CACUL1: variants seen among roughly 807,000 people sequenced by gnomAD.
CACUL1 encodes the protein CDK2 associated cullin domain 1, also known as CDK2-associated and cullin domain-containing protein 1.
A neutral mutation model predicts 45.2 loss-of-function variants in CACUL1; 13 were observed. The observed-to-expected ratio is 0.29, with a 90% CI of 0.19 to 0.46. CACUL1 has a LOEUF of 0.46. CACUL1 is among the 20% of genes least tolerant of loss of function. The pLI, the probability that CACUL1 is intolerant of heterozygous loss-of-function variation, is 1.00. For missense variants in CACUL1, 421 were observed against 471.4 expected, an observed-to-expected ratio of 0.89 and a Z score of 0.99; for synonymous variants, 197 against 174.2, an observed-to-expected ratio of 1.13 and a Z score of -1.03.
chr10:118,694,060 T>C (rs1845297668), intron 6 of CACUL1, among the ~76,000 whole-genome samples: 1 of 152,154 alleles, frequency 6.6e-6, no homozygotes, highest in South Asian at 2.1e-4. Context: ...GAGACGAGGT[T>C]TCACCGTGTT....
chr10:118,730,506 TC>T (rs1287129432), intron 1 of CACUL1, 96 bp from the exon 2 acceptor site: 16 of 1,202,356 alleles, frequency 1.3e-5, no homozygotes, highest in Non-Finnish European at 8.2e-6. Context: ...TCTCACTTAC[TC>T]TTCTGATTTT....
chr10:118,715,003 A>T (rs1182358137), intron 3 of CACUL1, among the ~76,000 whole-genome samples: 1 of 152,340 alleles, frequency 6.6e-6, no homozygotes, highest in South Asian at 2.1e-4. Context: ...ATTTAATCAG[A>T]GGTCATATTG....
intron 6 of CACUL1, chr10:118,694,819 G>C: frequency 4.4e-6 from 1 of 227,982 alleles, no homozygotes; most frequent in Non-Finnish European, 9.0e-6. Context: ...ATGTCTGTAA[G>C]TATGTGCAGC....
At chr10:118,747,738 C>T (rs1845858391) in intron 1 of CACUL1, among the ~76,000 whole-genome samples, 1 of 152,008 alleles carries the variant, frequency 6.6e-6, no homozygotes, top group South Asian at 2.1e-4. Context: ...GAAGGCAGAT[C>T]AGTAGGAATG....
In CACUL1 at chr10:118,680,765, C is replaced by T. The variant is rs1045237406; in HGVS notation, c.*5363G>A. 2.6e-5 allele frequency: 4 copies of T among 152,230 alleles called. No homozygotes were observed. Among genetic ancestry groups the T allele is most frequent in the African/African-American group, 9.6e-5 (4 of 41,458 alleles). 9.4% of individuals were successfully genotyped at this position (152,230 alleles called of 1,614,324 possible). Reference sequence around the variant, plus strand: ...ATGACCATATGTATATTGTTACACACTGTTTTTTAGCACTGGTTGCAGAAG... The same window carrying T: ...ATGACCATATGTATATTGTTACACATTGTTTTTTAGCACTGGTTGCAGAAG... On this transcript the variant is annotated 3_prime_UTR_variant, in exon 9 of 9. Transcript: ENST00000369151.
chr10:118,714,360 T>C (rs1845521477), intron 3 of CACUL1, among the ~76,000 whole-genome samples: 1 of 152,206 alleles, frequency 6.6e-6, no homozygotes, highest in Admixed American at 6.5e-5. Context: ...TTAGACGGTA[T>C]CAAAAAAATA....
chr10:118,717,654 A>G (rs1845559637), intron 3 of CACUL1, among the ~76,000 whole-genome samples: 1 of 152,228 alleles, frequency 6.6e-6, no homozygotes, highest in Non-Finnish European at 1.5e-5. Flanking sequence ...TCTGTTGGTG[A>G]TGGTAGTCAT....
chr10:118,713,862 C>A (rs1307854275), intron 3 of CACUL1, among the ~76,000 whole-genome samples: 4 of 152,166 alleles, frequency 2.6e-5, no homozygotes, highest in Non-Finnish European at 5.9e-5. Context: ...AACTTTTGGT[C>A]TCTGGAAACC....
chr10:118,729,497 A>G (rs975395192), intron 2 of CACUL1, 100 bp from the exon 3 acceptor site: 1 of 773,908 alleles, frequency 1.3e-6, no homozygotes, highest in Non-Finnish European at 2.2e-6. Flanking sequence ...CACTGATCCA[A>G]TAATTCATAC....
At chr10:118,691,810 T>C (rs1167628288) in intron 6 of CACUL1, among the ~76,000 whole-genome samples, 1 of 133,542 alleles carries the variant, frequency 7.5e-6, no homozygotes, top group Non-Finnish European at 1.5e-5. Flanking sequence ...GAGCTTGCAG[T>C]GAGCCGAGAT....
intron 1 of CACUL1, among the ~76,000 whole-genome samples, chr10:118,736,498 A>C (rs1845742299): frequency 6.6e-6 from 1 of 151,608 alleles, no homozygotes; most frequent in African/African-American, 2.4e-5. Context: ...TGATCCTCCC[A>C]ACTCAACCTC....
At chr10:118,743,468 C>T (rs1246501562) in intron 1 of CACUL1, among the ~76,000 whole-genome samples, 1 of 152,146 alleles carries the variant, frequency 6.6e-6, no homozygotes, top group Non-Finnish European at 1.5e-5. Context: ...AGACTATACA[C>T]ACATTTATTA....
intron 3 of CACUL1, among the ~76,000 whole-genome samples, chr10:118,712,569 CAA>C (rs1355664464): frequency 1.3e-5 from 2 of 152,342 alleles, no homozygotes; most frequent in African/African-American, 2.4e-5. Flanking sequence ...AGGAGCAAGA[CAA>C]AGAGGAGCTT....
At chr10:118,728,768 G>A (rs1449026292) in intron 3 of CACUL1, among the ~76,000 whole-genome samples, 1 of 152,136 alleles carries the variant, frequency 6.6e-6, no homozygotes, top group Admixed American at 6.5e-5. Flanking sequence ...GGCAGGGGGA[G>A]GATCAAGCTA....
chr10:118,713,011 G>A (rs879584625), intron 3 of CACUL1, among the ~76,000 whole-genome samples: 18 of 152,250 alleles, frequency 1.2e-4, no homozygotes, highest in Non-Finnish European at 1.9e-4. Flanking sequence ...GCCTCCTGCT[G>A]CCATTCATGG....
chr10:118,727,251 G>A (rs1455966462), intron 3 of CACUL1, among the ~76,000 whole-genome samples: 1 of 151,864 alleles, frequency 6.6e-6, no homozygotes, highest in Non-Finnish European at 1.5e-5. Flanking sequence ...AAATTTGCCA[G>A]GCATGGTGGC....
chr10:118,709,865 C>T (rs962351158), intron 3 of CACUL1, among the ~76,000 whole-genome samples: 9 of 151,934 alleles, frequency 5.9e-5, no homozygotes, highest in Non-Finnish European at 8.8e-5. Context: ...GTCTGGTGCA[C>T]GCTAGGTGCT....
At chr10:118,694,646 A>T (rs1037631455) in intron 6 of CACUL1, among the ~76,000 whole-genome samples, 6 of 152,250 alleles carry the variant, frequency 3.9e-5, no homozygotes, top group Non-Finnish European at 5.9e-5. Context: ...TTAAGAATTT[A>T]AAAACCATGC....
chr10:118,724,703 T>A (rs999940691), intron 3 of CACUL1, among the ~76,000 whole-genome samples: 1 of 152,150 alleles, frequency 6.6e-6, no homozygotes, highest in African/African-American at 2.4e-5. Flanking sequence ...AGTGCAGGCA[T>A]GAGCCAATGA....
Sources: gnomAD v4.1 joint callset for allele counts (sites outside exome capture counted in the v4.1 genomes callset) on GRCh38, gnomAD v4.1.1 for gene constraint, MANE v1.5 for transcripts, NCBI Gene and HGNC (gene_info 2026-07-23, HGNC 2026-07-21) for gene names.